The following ZNF773 variants were observed in gnomAD, a reference collection of about 807,000 sequenced individuals.
The protein encoded by ZNF773 is zinc finger protein 773, also known as zinc finger protein 419B.
Under a neutral mutation model 12.8 loss-of-function variants are expected in ZNF773, and 11 were observed. That is an observed-to-expected ratio of 0.86 (90% CI 0.54 to 1.42). The LOEUF (loss-of-function observed/expected upper bound fraction) is 1.42. Ranked by LOEUF, ZNF773 falls within the 40% of genes most tolerant of loss-of-function variation. The pLI, the probability that ZNF773 is intolerant of heterozygous loss-of-function variation, is 0.00. For missense variants in ZNF773, 518 were observed against 527.2 expected (o/e 0.98, Z 0.17); for synonymous variants, 175 against 178.4 (o/e 0.98, Z 0.15).
At chr19:57,515,996 T>C (rs893633490), downstream of ZNF773, 1 of 152,490 alleles carries the variant, frequency 6.6e-6, no homozygotes, top group Non-Finnish European at 1.5e-5. Context: ...AGAAGGACAA[T>C]GGAAAGGCCC....
At chr19:57,515,515 C>T (rs1214516636), downstream of ZNF773, 1 of 152,194 alleles carries the variant, frequency 6.6e-6, no homozygotes, top group African/African-American at 2.4e-5. Context: ...ATATAGCAGC[C>T]TTTGGCAAAC....
At chr19:57,509,289 T>G (rs1442015742), downstream of ZNF773, among the ~76,000 whole-genome samples, 1 of 152,214 alleles carries the variant, frequency 6.6e-6, no homozygotes, top group Admixed American at 6.5e-5. Flanking sequence ...TTTTTAAATA[T>G]CCAACTTCTG....
At chr19:57,505,459 A>G in intron 3 of ZNF773, 59 bp downstream of exon 3, 2 of 1,577,396 alleles carry the variant, frequency 1.3e-6, no homozygotes, top group Non-Finnish European at 1.7e-6. Context: ...GTATCATACC[A>G]GGAGTCTTTC....
downstream of ZNF773, chr19:57,516,028 A>G (rs533489283): frequency 3.9e-5 from 6 of 153,476 alleles, no homozygotes; most frequent in East Asian, 1.9e-4. Flanking sequence ...TGATATGGGG[A>G]CGAGGGTTTG....
At position 57,506,648 on chromosome 19, in the gene ZNF773, C is replaced by T. The variant is rs767256431; in HGVS notation, c.553C>T (p.His185Tyr). The T allele has an allele frequency of 1.2e-6, 2 of 1,614,184 alleles. No homozygotes were observed. The highest frequency in any genetic ancestry group is 1.7e-6 in the Non-Finnish European group (2 of 1,180,024). ...HRSSKSREAFHAGKRHYKCSE... is the reference protein window; with the variant it reads ...HRSSKSREAFYAGKRHYKCSE... ...GAGCTCCAAAAGTAGGGAGGCCTTT[C>T]ATGCTGGAAAAAGGCATTACAAATG... Residue 185 changes from histidine to tyrosine, a missense_variant, in exon 4 of 4, where the codon CAT (histidine) becomes TAT (tyrosine). Physicochemically the swap from His to Tyr is moderately conservative, Grantham distance 83. Transcript: ENST00000282292.
At chr19:57,510,133 C>T (rs1434984987), downstream of ZNF773, among the ~76,000 whole-genome samples, 1 of 152,150 alleles carries the variant, frequency 6.6e-6, no homozygotes, top group African/African-American at 2.4e-5. Flanking sequence ...TTTAAATAAA[C>T]TTGCACTCAT....
At chr19:57,508,775 G>A (rs66521666), downstream of ZNF773, among the ~76,000 whole-genome samples, 9 of 145,308 alleles carry the variant, frequency 6.2e-5, no homozygotes, top group Non-Finnish European at 1.3e-4. Context: ...TGTATTTTTC[G>A]AATGACTCAG....
chr19:57,510,780 T>G (rs1484591976), downstream of ZNF773, among the ~76,000 whole-genome samples: 1 of 152,012 alleles, frequency 6.6e-6, no homozygotes, highest in Non-Finnish European at 1.5e-5. Context: ...TAGAAATAAA[T>G]TTAACAAAAT....
At chr19:57,505,930 C>T (rs1304895937) in intron 3 of ZNF773, among the ~76,000 whole-genome samples, 2 of 152,076 alleles carry the variant, frequency 1.3e-5, no homozygotes, top group Non-Finnish European at 2.9e-5. Flanking sequence ...TGAATGGTCT[C>T]GATCTCCTGA....
chr19:57,513,247 C>T (rs2089810807), downstream of ZNF773: 1 of 537,480 alleles, frequency 1.9e-6, no homozygotes, highest in African/African-American at 2.0e-5. Context: ...TATATGCAGT[C>T]ACTTAAAGGT....
downstream of ZNF773, chr19:57,517,746 C>G (rs927465245): frequency 6.6e-6 from 1 of 152,108 alleles, no homozygotes; most frequent in Non-Finnish European, 1.5e-5. Context: ...TTTGTAAAGG[C>G]CCATTTACAG....
chr19:57,500,908 C>T (rs375132569), intron 1 of ZNF773, among the ~76,000 whole-genome samples: 10 of 151,990 alleles, frequency 6.6e-5, no homozygotes, highest in African/African-American at 2.2e-4. Context: ...GAGAGATGGG[C>T]CTGTAGGATG....
chr19:57,510,380 C>T (rs1175926043), downstream of ZNF773, among the ~76,000 whole-genome samples: 1 of 150,626 alleles, frequency 6.6e-6, no homozygotes, highest in Non-Finnish European at 1.5e-5. Context: ...GTGATTTCTT[C>T]CACCTGATAC....
chr19:57,514,851 T>C (rs1568584732), downstream of ZNF773: 1 of 152,106 alleles, frequency 6.6e-6, no homozygotes, highest in African/African-American at 2.4e-5. Context: ...TCAGACAAAA[T>C]TTTGCAATTT....
chr19:57,517,401 G>A (rs55908192), downstream of ZNF773: 31,482 of 151,938 alleles, frequency 0.21, 3,381 homozygotes, highest in African/African-American at 0.25. Context: ...CTTACTCATC[G>A]TGCTCGTAGA....
downstream of ZNF773, among the ~76,000 whole-genome samples, chr19:57,510,375 T>G (rs544986954): frequency 6.6e-6 from 1 of 151,524 alleles, no homozygotes; most frequent in South Asian, 2.1e-4. Context: ...AGATGGTGAT[T>G]TCTTCCACCT....
In ZNF773 at chr19:57,499,970, G is replaced by T; in HGVS notation, c.-111G>T. 1 of 1,392,760 alleles carries T rather than the reference G, an allele frequency of 7.2e-7. No individual in the cohort carries two copies. The highest frequency in any genetic ancestry group is 9.6e-7 in the Non-Finnish European group (1 of 1,039,392). The allele number at this position is 1,392,760 out of a possible 1,614,324, so 86.3% of individuals were successfully genotyped here. ...GCGGCGACCAGCTCCGGAAAGCGCGGTGGGGACGCGCTGTGTTCTCGCAGC... is the reference window on the plus strand; with the variant it reads ...GCGGCGACCAGCTCCGGAAAGCGCGTTGGGGACGCGCTGTGTTCTCGCAGC... On this transcript the variant is annotated 5_prime_UTR_variant, in exon 1 of 4. Coordinates refer to ENST00000282292, the MANE Select transcript of ZNF773 (RefSeq NM_198542.3).
At chr19:57,500,776 A>T (rs149712793) in intron 1 of ZNF773, among the ~76,000 whole-genome samples, 24 of 152,286 alleles carry the variant, frequency 1.6e-4, no homozygotes, top group Non-Finnish European at 2.6e-4. Context: ...GGGCATGGTG[A>T]TCCTGAGATG....
chr19:57,512,982 CT>C (rs2089807394), downstream of ZNF773: 3 of 1,514,226 alleles, frequency 2.0e-6, no homozygotes, highest in Admixed American at 2.3e-5. Flanking sequence ...TAAAACAGAT[CT>C]TTTTGTCTTC....
Sources: gnomAD v4.1 joint callset for allele counts (sites outside exome capture counted in the v4.1 genomes callset) on GRCh38, gnomAD v4.1.1 for gene constraint, MANE v1.5 for transcripts, NCBI Gene and HGNC (gene_info 2026-07-23, HGNC 2026-07-21) for gene names.